The following FLI1 variants were observed in gnomAD, a reference collection of about 807,000 sequenced individuals.
The protein encoded by FLI1 is Friend leukemia integration 1 transcription factor.
A neutral mutation model predicts 53.1 loss-of-function variants in FLI1; 13 were observed. The observed-to-expected ratio is 0.24, with a 90% CI of 0.16 to 0.39. The LOEUF (loss-of-function observed/expected upper bound fraction) is 0.39, where lower values mean the gene tolerates loss of function less well. Ranked by LOEUF, FLI1 falls within the 10% of genes least tolerant of loss-of-function variation. The pLI, the probability that FLI1 is intolerant of heterozygous loss-of-function variation, is 1.00. For synonymous variants in FLI1, 244 were observed against 236.7 expected (o/e 1.03, Z -0.28); for missense variants, 424 against 600.5 (o/e 0.71, Z 3.07).
intron 1 of FLI1, among the ~76,000 whole-genome samples, chr11:128,757,137 C>T (rs1402726251): frequency 2.2e-5 from 3 of 138,146 alleles, no homozygotes; most frequent in Admixed American, 7.8e-5. Flanking sequence ...TGTAGAAACA[C>T]AGTTTTGCCA....
intron 1 of FLI1, among the ~76,000 whole-genome samples, chr11:128,723,531 C>A (rs146096577): frequency 1.1e-4 from 16 of 152,242 alleles, no homozygotes; most frequent in Middle Eastern, 3.4e-3. Context: ...TGCATTCCTG[C>A]TGCCATATAT....
At chr11:128,691,103 G>C (rs951791427), upstream of FLI1, among the ~76,000 whole-genome samples, 8 of 152,198 alleles carry the variant, frequency 5.3e-5, no homozygotes, top group Non-Finnish European at 1.2e-4. Context: ...TTCATTTGTA[G>C]GCCCTCACCG....
intron 1 of FLI1, among the ~76,000 whole-genome samples, chr11:128,751,909 C>T (rs1032648337): frequency 4.0e-5 from 6 of 151,848 alleles, no homozygotes; most frequent in Middle Eastern, 3.4e-3. Context: ...GCATTCCACC[C>T]GGTTCAGCCT....
chr11:128,752,403 G>A (rs975396827), intron 1 of FLI1, among the ~76,000 whole-genome samples: 7 of 152,318 alleles, frequency 4.6e-5, no homozygotes, highest in Admixed American at 2.0e-4. Flanking sequence ...CCAACCTACA[G>A]ATGAGGAAAT....
At chr11:128,720,537 T>C (rs1939209982) in intron 1 of FLI1, among the ~76,000 whole-genome samples, 1 of 152,170 alleles carries the variant, frequency 6.6e-6, no homozygotes, top group African/African-American at 2.4e-5. Context: ...GCTCACCTCC[T>C]TGTGCCTCTT....
intron 6 of FLI1, 150 bp from the exon 7 acceptor site, chr11:128,807,030 A>C: frequency 2.3e-6 from 1 of 442,150 alleles, no homozygotes; most frequent in South Asian, 5.7e-5. Flanking sequence ...CACATAGTAG[A>C]TTCTAGGTAA....
At chr11:128,792,894 A>T (rs1187833726) in intron 5 of FLI1, among the ~76,000 whole-genome samples, 1 of 152,132 alleles carries the variant, frequency 6.6e-6, no homozygotes, top group Non-Finnish European at 1.5e-5. Context: ...AGGTGAGAGG[A>T]TCACTTGAGC....
At chr11:128,774,340 G>A (rs1393467822) in intron 4 of FLI1, among the ~76,000 whole-genome samples, 1 of 152,158 alleles carries the variant, frequency 6.6e-6, no homozygotes, top group Non-Finnish European at 1.5e-5. Context: ...TCTGAGTCTT[G>A]CTGCAACATG....
chr11:128,751,043 G>A (rs1472604181), intron 1 of FLI1, among the ~76,000 whole-genome samples: 2 of 152,140 alleles, frequency 1.3e-5, no homozygotes, highest in Non-Finnish European at 2.9e-5. Flanking sequence ...GGCACCTAGA[G>A]GCCTGGACTC....
At chr11:128,709,307 TATTCTC>T (rs1242491089) in intron 1 of FLI1, among the ~76,000 whole-genome samples, 1 of 152,240 alleles carries the variant, frequency 6.6e-6, no homozygotes, top group Non-Finnish European at 1.5e-5. Context: ...TCTTAGTTAT[TATTCTC>T]ATTCAAGTCG....
chr11:128,742,476 T>C (rs1940181235), intron 1 of FLI1, among the ~76,000 whole-genome samples: 1 of 152,216 alleles, frequency 6.6e-6, no homozygotes, highest in African/African-American at 2.4e-5. Context: ...GAGGAGCACA[T>C]AGTCTGGTCA....
rs889705750 is a variant in FLI1 at position 128,688,537 on chromosome 11, C to A, written c.-203+1836C>A. The stretch of plus-strand genomic sequence containing the variant: ...CTGCCGTTGTCCGGCAGGCACCCGG[C>A]TCAGGAGTTGTTGACAAACACCGCA... On this transcript the variant is annotated intron_variant, in intron 1 of 6. Coordinates refer to the FLI1 transcript ENST00000344954. 2.6e-5 allele frequency among the ~76,000 whole-genome samples: 4 copies of A among 152,206 alleles called. No homozygotes were observed. In the East Asian group the frequency reaches 5.8e-4, roughly 22 times the overall value.
intron 1 of FLI1, among the ~76,000 whole-genome samples, chr11:128,742,950 C>G (rs531721060): frequency 6.6e-6 from 1 of 152,322 alleles, no homozygotes; most frequent in East Asian, 1.9e-4. Flanking sequence ...ACATTTTGCT[C>G]TCACAGTTTC....
intron 5 of FLI1, among the ~76,000 whole-genome samples, chr11:128,799,040 A>ATTTTTTTTTTTTTTTTTTTTTTTTT (rs1360505352): frequency 7.6e-6 from 1 of 131,460 alleles, no homozygotes; most frequent in African/African-American, 2.8e-5. Flanking sequence ...TATTATTATT[A>ATTTTTTTTTTTTTTTTTTTTTTTTT]TTATTATTAT....
chr11:128,725,984 C>G (rs115069415), intron 1 of FLI1, among the ~76,000 whole-genome samples: 1,566 of 152,274 alleles, frequency 0.01, 31 homozygotes, highest in African/African-American at 0.035. Context: ...AGTCCAGATC[C>G]TGGCTGGCCA....
intron 1 of FLI1, among the ~76,000 whole-genome samples, chr11:128,747,434 C>T (rs1429016217): frequency 2.0e-5 from 3 of 152,204 alleles, no homozygotes; most frequent in African/African-American, 7.2e-5. Flanking sequence ...TCTCCCATGC[C>T]ATGTGGGTTT....
intron 5 of FLI1, among the ~76,000 whole-genome samples, chr11:128,784,283 T>G (rs1419509928): frequency 1.4e-5 from 2 of 142,092 alleles, no homozygotes; most frequent in Non-Finnish European, 3.1e-5. Context: ...TGTCTTATTG[T>G]TCAGCCGTGT....
chr11:128,750,866 A>T (rs603962), intron 1 of FLI1, among the ~76,000 whole-genome samples: 47,724 of 152,182 alleles, frequency 0.31, 7,825 homozygotes, highest in Admixed American at 0.42. Context: ...TAAATTCGTG[A>T]ATGCACAGAT....
intron 1 of FLI1, among the ~76,000 whole-genome samples, chr11:128,708,073 G>C (rs1393216685): frequency 1.3e-5 from 2 of 152,214 alleles, no homozygotes; most frequent in African/African-American, 2.4e-5. Context: ...GGGAAGGAGA[G>C]ACACAGCCTC....
Sources: allele counts gnomAD v4.1 joint callset (sites outside exome capture counted in the v4.1 genomes callset), GRCh38; gene constraint gnomAD v4.1.1; transcripts MANE v1.5; gene names NCBI Gene and HGNC (gene_info 2026-07-23, HGNC 2026-07-21).